The following ROR2 variants were observed in gnomAD, a reference collection of about 807,000 sequenced individuals.
The protein encoded by ROR2 is tyrosine-protein kinase transmembrane receptor ROR2.
ROR2 carries 33 observed loss-of-function variants against 74.9 expected under a neutral mutation model. The observed-to-expected ratio is 0.44, with a 90% CI of 0.33 to 0.59. The LOEUF (loss-of-function observed/expected upper bound fraction) is 0.59, where lower values mean the gene tolerates loss of function less well. ROR2 is among the 20% of genes least tolerant of loss of function. The pLI is 0.02. For synonymous variants in ROR2, 586 were observed against 558.7 expected, an observed-to-expected ratio of 1.05 and a Z score of -0.69; for missense variants, 1,216 against 1,313.8, an observed-to-expected ratio of 0.93 and a Z score of 1.15.
At chr9:91,764,609 T>A (rs1298339314) in intron 2 of ROR2, among the ~76,000 whole-genome samples, 2 of 150,214 alleles carry the variant, frequency 1.3e-5, no homozygotes, top group Non-Finnish European at 3.0e-5. Flanking sequence ...AACTGCTTCC[T>A]ACTGCTTAGA....
At chr9:91,795,935 G>A (rs111665380) in intron 1 of ROR2, among the ~76,000 whole-genome samples, 13 of 152,216 alleles carry the variant, frequency 8.5e-5, no homozygotes, top group African/African-American at 2.9e-4. Flanking sequence ...AGAGGCTCCC[G>A]GTGATGCCAT....
At chr9:91,880,244 G>T (rs1377179918) in intron 1 of ROR2, among the ~76,000 whole-genome samples, 2 of 152,176 alleles carry the variant, frequency 1.3e-5, no homozygotes, top group Non-Finnish European at 2.9e-5. Flanking sequence ...GCCAAGGAGA[G>T]AGGCCACAGG....
At chr9:91,880,363 A>G (rs1238020682) in intron 1 of ROR2, among the ~76,000 whole-genome samples, 1 of 152,248 alleles carries the variant, frequency 6.6e-6, no homozygotes, top group Non-Finnish European at 1.5e-5. Context: ...TTGTTACAGC[A>G]GTCCTAGCAA....
At chr9:91,727,864 C>G (rs1837098017) in intron 7 of ROR2, among the ~76,000 whole-genome samples, 1 of 152,158 alleles carries the variant, frequency 6.6e-6, no homozygotes, top group Admixed American at 6.5e-5. Context: ...AAAAAAGCAC[C>G]TTGTCCCAAA....
intron 1 of ROR2, among the ~76,000 whole-genome samples, chr9:91,854,576 T>C (rs1446684671): frequency 6.6e-6 from 1 of 152,194 alleles, no homozygotes; most frequent in African/African-American, 2.4e-5. Flanking sequence ...GCCCCAGTTT[T>C]GTAGACAAGA....
intron 1 of ROR2, among the ~76,000 whole-genome samples, chr9:91,910,040 T>A (rs1425132153): frequency 6.6e-6 from 1 of 151,760 alleles, no homozygotes; most frequent in East Asian, 2.0e-4. Context: ...TTTTGTATTT[T>A]TAGTAGAGAT....
At chr9:91,855,036 T>C (rs1829234680) in intron 1 of ROR2, among the ~76,000 whole-genome samples, 1 of 152,196 alleles carries the variant, frequency 6.6e-6, no homozygotes, top group Non-Finnish European at 1.5e-5. Context: ...TCAAACAACA[T>C]TTTCAGGAGA....
chr9:91,750,994 A>G (rs1200991338), intron 4 of ROR2, among the ~76,000 whole-genome samples: 1 of 152,216 alleles, frequency 6.6e-6, no homozygotes. Context: ...ACATGAGGAA[A>G]TAATAACTCA....
intron 2 of ROR2, among the ~76,000 whole-genome samples, chr9:91,773,609 T>G (rs1826315589): frequency 1.3e-5 from 2 of 152,234 alleles, no homozygotes; most frequent in Non-Finnish European, 1.5e-5. Context: ...GTAATTTTAT[T>G]TATTCTAACT....
chr9:91,861,793 A>G (rs1048271029), intron 1 of ROR2, among the ~76,000 whole-genome samples: 6 of 152,260 alleles, frequency 3.9e-5, no homozygotes, highest in African/African-American at 1.4e-4. Flanking sequence ...ATAACATTAA[A>G]TAAGTAAAAA....
At chr9:91,838,525 A>G (rs1240426301) in intron 1 of ROR2, among the ~76,000 whole-genome samples, 1 of 152,182 alleles carries the variant, frequency 6.6e-6, no homozygotes, top group African/African-American at 2.4e-5. Context: ...AAACACCCTG[A>G]GATCGGACTG....
In ROR2 at chr9:91,733,409, G is replaced by A. The variant is rs146127454; in HGVS notation, c.650C>T (p.Thr217Met). ...CTGTGAGCACTGGTCCGACAGGTGCGTAGACGTGCCGATCATGGTGAAGGC... is the reference window on the plus strand; with the variant it reads ...CTGTGAGCACTGGTCCGACAGGTGCATAGACGTGCCGATCATGGTGAAGGC... ...TAAFTMIGTSTHLSDQCSQFA... is the reference protein window; with the variant it reads ...TAAFTMIGTSMHLSDQCSQFA... Residue 217 changes from threonine to methionine, a missense_variant, in exon 6 of 9, where the codon ACG becomes ATG. By Grantham distance (81) the Thr-to-Met change is moderately conservative. Transcript: ENST00000375708. The surrounding 1 kb of genome is among the most constrained non-coding windows in gnomAD (Gnocchi z 5.7). The A allele has an allele frequency of 5.0e-6, 8 of 1,611,496 alleles. No homozygotes were observed. Among genetic ancestry groups the A allele is most frequent in the East Asian group, 2.2e-5 (1 of 44,842 alleles).
At chr9:91,884,676 T>C (rs10761133) in intron 1 of ROR2, among the ~76,000 whole-genome samples, 66,573 of 151,818 alleles carry the variant, frequency 0.44, 17,418 homozygotes, top group African/African-American at 0.73. Context: ...TGGCTGGAAC[T>C]GGAGCTAACA....
chr9:91,853,726 G>A (rs1010980966), intron 1 of ROR2, among the ~76,000 whole-genome samples: 8 of 152,164 alleles, frequency 5.3e-5, no homozygotes, highest in African/African-American at 1.9e-4. Flanking sequence ...TACAGTGCCC[G>A]GGCTGATGCT....
chr9:91,795,995 G>A (rs879511146), intron 1 of ROR2, among the ~76,000 whole-genome samples: 3 of 152,184 alleles, frequency 2.0e-5, no homozygotes, highest in Non-Finnish European at 2.9e-5. Flanking sequence ...AAGAACAAGT[G>A]CTGGTGGCAC....
chr9:91,949,421 G>C (rs906463145), intron 1 of ROR2, among the ~76,000 whole-genome samples: 1 of 151,954 alleles, frequency 6.6e-6, no homozygotes, highest in Non-Finnish European at 1.5e-5. Context: ...GGGGGTGGGG[G>C]GACGCTCCGA....
chr9:91,911,863 CG>C (rs1742086021), intron 1 of ROR2, among the ~76,000 whole-genome samples: 1 of 143,204 alleles, frequency 7.0e-6, no homozygotes, highest in Non-Finnish European at 1.5e-5. Flanking sequence ...GAGAAATTCA[CG>C]TGCTTCCTGC....
At chr9:91,798,317 C>A (rs1208389194) in intron 1 of ROR2, among the ~76,000 whole-genome samples, 3 of 97,260 alleles carry the variant, frequency 3.1e-5, no homozygotes, top group African/African-American at 4.6e-5. Flanking sequence ...TCTGTGGGTG[C>A]GGCTGACGCC....
chr9:91,788,584 G>A (rs1270967044), intron 1 of ROR2, among the ~76,000 whole-genome samples: 2 of 152,084 alleles, frequency 1.3e-5, no homozygotes, highest in African/African-American at 4.8e-5. Context: ...CAATATGCAG[G>A]CCAGGCGTGG....
Sources: gnomAD v4.1 joint callset for allele counts (sites outside exome capture counted in the v4.1 genomes callset) on GRCh38, gnomAD v4.1.1 for gene constraint, Gnocchi (gnomAD v3.1) non-coding constraint, MANE v1.5 for transcripts, NCBI Gene and HGNC (gene_info 2026-07-23, HGNC 2026-07-21) for gene names.